NEGR1: variants seen among roughly 807,000 people sequenced by gnomAD.
NEGR1 encodes the protein neuronal growth regulator 1.
NEGR1 carries 10 observed loss-of-function variants against 40.9 expected under a neutral mutation model. That is an observed-to-expected ratio of 0.24 (90% CI 0.15 to 0.42). NEGR1 has a LOEUF of 0.42. NEGR1 is among the 10% of genes least tolerant of loss of function. The pLI is 1.00. For missense variants in NEGR1, 352 were observed against 438.9 expected (o/e 0.80, Z 1.77); for synonymous variants, 185 against 166.8 (o/e 1.11, Z -0.84).
intron 6 of NEGR1, among the ~76,000 whole-genome samples, chr1:71,429,070 AT>A (rs1315094422): frequency 6.6e-6 from 1 of 152,162 alleles, no homozygotes; most frequent in Non-Finnish European, 1.5e-5. Flanking sequence ...TAAATACATA[AT>A]TTTTTAGTTC....
At chr1:72,068,812 A>C (rs1647345756) in intron 1 of NEGR1, among the ~76,000 whole-genome samples, 1 of 152,202 alleles carries the variant, frequency 6.6e-6, no homozygotes, top group South Asian at 2.1e-4. Flanking sequence ...GTTTGGAATT[A>C]TTCTTGAGGA....
chr1:72,216,567 A>C (rs1653829155), intron 1 of NEGR1, among the ~76,000 whole-genome samples: 2 of 151,090 alleles, frequency 1.3e-5, no homozygotes, highest in African/African-American at 2.4e-5. Flanking sequence ...CTAATTATCA[A>C]ATATTGTGGC....
At chr1:71,726,536 T>G (rs1654680193) in intron 3 of NEGR1, among the ~76,000 whole-genome samples, 1 of 152,114 alleles carries the variant, frequency 6.6e-6, no homozygotes, top group South Asian at 2.1e-4. Flanking sequence ...TTCTTGGTAA[T>G]GCTTTCTTTT....
In NEGR1 at chr1:71,971,709, TA is replaced by T. The variant is rs550544292; in HGVS notation, c.177-36399del. ...TGCCACATTCCACAATATTTGATGTTAAAATATTTGCCTTTATGGCCAAATG... is the reference window on the plus strand; with the variant it reads ...TGCCACATTCCACAATATTTGATGTTAAATATTTGCCTTTATGGCCAAATG... On this transcript the variant is annotated intron_variant, in intron 1 of 6. Coordinates refer to ENST00000357731, the MANE Select transcript of NEGR1 (RefSeq NM_173808.3). Among the ~76,000 whole-genome samples the T allele has an allele frequency of 4.1e-4, 62 of 152,378 alleles. 1 individual carries two copies. Among genetic ancestry groups the T allele is most frequent in the Admixed American group, 1.6e-3 (25 of 15,314 alleles).
chr1:71,906,298 G>C (rs79743792), intron 2 of NEGR1, among the ~76,000 whole-genome samples: 1 of 151,866 alleles, frequency 6.6e-6, no homozygotes, highest in Non-Finnish European at 1.5e-5. Context: ...TACGCTGCTC[G>C]GGTAATGGGT....
chr1:72,265,054 T>A (rs1169768336), intron 1 of NEGR1, among the ~76,000 whole-genome samples: 3 of 150,980 alleles, frequency 2.0e-5, no homozygotes, highest in African/African-American at 7.3e-5. Context: ...GCAAATAATT[T>A]AACATTTTCT....
chr1:72,069,493 A>C (rs1647373069), intron 1 of NEGR1, among the ~76,000 whole-genome samples: 1 of 152,130 alleles, frequency 6.6e-6, no homozygotes, highest in Non-Finnish European at 1.5e-5. Context: ...AATTTTGATT[A>C]AGATGGTAGG....
At chr1:71,566,906 T>A (rs756320938) in intron 6 of NEGR1, among the ~76,000 whole-genome samples, 1 of 152,022 alleles carries the variant, frequency 6.6e-6, no homozygotes, top group Non-Finnish European at 1.5e-5. Context: ...CCTTACAGAG[T>A]GAAAGGGGCA....
At chr1:71,737,823 A>G (rs2101672296) in intron 3 of NEGR1, among the ~76,000 whole-genome samples, 1 of 152,108 alleles carries the variant, frequency 6.6e-6, no homozygotes, top group East Asian at 1.9e-4. Flanking sequence ...ATAAGTGACT[A>G]TTTCTCCACA....
At chr1:72,098,573 C>T (rs1158614445) in intron 1 of NEGR1, among the ~76,000 whole-genome samples, 2 of 152,128 alleles carry the variant, frequency 1.3e-5, no homozygotes, top group Admixed American at 6.6e-5. Context: ...CCTGTCCCAA[C>T]CAATTACCTA....
At chr1:71,421,182 T>C (rs1218176603) in intron 6 of NEGR1, among the ~76,000 whole-genome samples, 1 of 152,030 alleles carries the variant, frequency 6.6e-6, no homozygotes, top group Non-Finnish European at 1.5e-5. Flanking sequence ...TATGAATGGC[T>C]AATTTATTTT....
intron 1 of NEGR1, among the ~76,000 whole-genome samples, chr1:71,986,828 G>C (rs769194036): frequency 6.6e-6 from 1 of 152,192 alleles, no homozygotes; most frequent in Non-Finnish European, 1.5e-5. Flanking sequence ...TCCTGTCAGA[G>C]ATTTCTCACA....
At chr1:71,455,397 C>T (rs1646665012) in intron 6 of NEGR1, among the ~76,000 whole-genome samples, 1 of 152,112 alleles carries the variant, frequency 6.6e-6, no homozygotes, top group Non-Finnish European at 1.5e-5. Context: ...TCAAGTTCAT[C>T]CTGTAAGCTT....
chr1:71,606,630 C>G (rs1320971313), intron 5 of NEGR1, among the ~76,000 whole-genome samples: 2 of 152,108 alleles, frequency 1.3e-5, no homozygotes, highest in Non-Finnish European at 2.9e-5. Context: ...GAGTGCTCTT[C>G]AGGTGAAGTC....
intron 6 of NEGR1, chr1:71,486,846 G>C (rs1646891062): frequency 6.6e-6 from 1 of 151,206 alleles, no homozygotes; most frequent in Non-Finnish European, 1.5e-5. Context: ...ACCTAACAAG[G>C]CTATTTTTCT....
intron 2 of NEGR1, among the ~76,000 whole-genome samples, chr1:71,825,855 T>C (rs746490037): frequency 5.9e-5 from 9 of 151,968 alleles, no homozygotes; most frequent in Non-Finnish European, 1.2e-4. Context: ...AGTTAGAACG[T>C]CTAATTTTAG....
intron 3 of NEGR1, among the ~76,000 whole-genome samples, chr1:71,715,137 G>C (rs1035789895): frequency 2.0e-5 from 3 of 152,170 alleles, no homozygotes; most frequent in African/African-American, 7.2e-5. Flanking sequence ...AGCTACCAAG[G>C]ATTGGGGCTT....
chr1:71,422,565 A>T (rs190241108), intron 6 of NEGR1: 122 of 152,338 alleles, frequency 8.0e-4, no homozygotes, highest in African/African-American at 2.4e-3. Context: ...GCCTAGGTCA[A>T]GCTCAAAGTC....
At chr1:72,255,787 G>T (rs1655254623) in intron 1 of NEGR1, among the ~76,000 whole-genome samples, 2 of 152,058 alleles carry the variant, frequency 1.3e-5, no homozygotes, top group South Asian at 4.1e-4. Context: ...CTGACCTCGT[G>T]ATCCACACGC....
Sources: gnomAD v4.1 joint callset for allele counts (sites outside exome capture counted in the v4.1 genomes callset) on GRCh38, gnomAD v4.1.1 for gene constraint, MANE v1.5 for transcripts, NCBI Gene and HGNC (gene_info 2026-07-23, HGNC 2026-07-21) for gene names.